NBEA: variants seen among roughly 807,000 people sequenced by gnomAD.
NBEA encodes the protein lysosomal-trafficking regulator 2.
A neutral mutation model predicts 343.4 loss-of-function variants in NBEA; 44 were observed. The ratio of observed to expected loss-of-function variants is 0.13; its 90% confidence interval spans 0.10 to 0.16. The LOEUF is 0.16. Among genes scored for constraint, NBEA ranks in the 10% least tolerant of loss-of-function variants. The pLI is 1.00. For synonymous variants in NBEA, 1,175 were observed against 1,238.7 expected (o/e 0.95, Z 1.08); for missense variants, 2,555 against 3,631.3 (o/e 0.70, Z 7.62).
intron 31 of NBEA, among the ~76,000 whole-genome samples, chr13:35,202,680 A>G (rs759115154): frequency 1.3e-5 from 2 of 152,144 alleles, no homozygotes; most frequent in Non-Finnish European, 2.9e-5. Flanking sequence ...CTGGCATTAA[A>G]TAGCATCTGT....
chr13:35,311,860 C>CA (rs934010164), intron 36 of NBEA, among the ~76,000 whole-genome samples: 273 of 146,090 alleles, frequency 1.9e-3, no homozygotes, highest in African/African-American at 5.0e-3. Context: ...GTCCCCCCAC[C>CA]AAAAAAAAAA....
chr13:35,106,321 A>G (rs562861), intron 11 of NBEA, among the ~76,000 whole-genome samples: 4,738 of 152,060 alleles, frequency 0.031, 159 homozygotes, highest in East Asian at 0.15. Flanking sequence ...AAAACCGTTA[A>G]TCAAAGGAAA....
At chr13:35,535,824 T>G (rs116643687) in intron 41 of NBEA, among the ~76,000 whole-genome samples, 241 of 152,280 alleles carry the variant, frequency 1.6e-3, no homozygotes, top group African/African-American at 5.6e-3. Context: ...AAAAATTACT[T>G]TAGTCTACAA....
At chr13:35,183,839 T>C (rs1229432793) in intron 29 of NBEA, 137 bp from the exon 30 acceptor site, 1 of 568,472 alleles carries the variant, frequency 1.8e-6, no homozygotes, top group Non-Finnish European at 3.1e-6. Context: ...CATAAACTCT[T>C]TTCTTCAGAG....
chr13:35,645,691 G>A (rs1163526294), intron 49 of NBEA, among the ~76,000 whole-genome samples, 178 bp from the exon 50 acceptor site: 3 of 152,018 alleles, frequency 2.0e-5, no homozygotes, highest in Non-Finnish European at 4.4e-5. Flanking sequence ...TCTTAAAATA[G>A]CATAGAAAGC....
chr13:35,004,845 TAGAACA>T (rs1035675876), intron 1 of NBEA, among the ~76,000 whole-genome samples: 5 of 152,182 alleles, frequency 3.3e-5, no homozygotes, highest in African/African-American at 1.2e-4. Context: ...AGGATATTAA[TAGAACA>T]GTGTGAATTT....
intron 1 of NBEA, among the ~76,000 whole-genome samples, chr13:34,977,401 C>T (rs1478299378): frequency 2.6e-5 from 4 of 151,796 alleles, no homozygotes; most frequent in East Asian, 1.9e-4. Flanking sequence ...CCCTGTCTCC[C>T]GGATTCAAGC....
rs2061454549 is a variant in NBEA, at chr13:35,010,679, TG to T, written c.295-30251del. 3.2e-5 allele frequency among the ~76,000 whole-genome samples: 4 copies of T among 125,030 alleles called. No individual in the cohort carries two copies. In the Admixed American group the frequency reaches 3.6e-4, roughly 11 times the overall value. 82.0% of individuals were successfully genotyped at this position (125,030 alleles called of 152,430 possible). ...CAGAAGGATAAGTTGAGTCCGGGAATGGGAATTCAAGACCAGCCTGGACAAC... is the reference window on the plus strand; with the variant it reads ...CAGAAGGATAAGTTGAGTCCGGGAATGGAATTCAAGACCAGCCTGGACAAC... On this transcript the variant is annotated intron_variant, in intron 1 of 58. Transcript: ENST00000379939.
At chr13:35,399,843 T>C (rs990027524) in intron 38 of NBEA, among the ~76,000 whole-genome samples, 2 of 152,030 alleles carry the variant, frequency 1.3e-5, no homozygotes, top group African/African-American at 4.8e-5. Context: ...TTAGAGGCCA[T>C]TGTAGGGTAA....
At position 35,536,871 on chromosome 13, in the gene NBEA, G is replaced by C. The variant is rs567628239; in HGVS notation, c.6586-13606G>C. On this transcript the variant is annotated intron_variant, in intron 41 of 58. Coordinates refer to ENST00000379939, the MANE Select transcript of NBEA (RefSeq NM_001385012.1). ...AGCTCAGAAATATTCAAAGGAATGA[G>C]AGAGCATCTCTTCCATTGGCTCCCT... 5.3e-5 allele frequency among the ~76,000 whole-genome samples: 8 copies of C among 152,338 alleles called. No homozygotes were observed. The South Asian group carries it at 1.7e-3, about 32-fold the overall frequency.
chr13:35,337,414 T>A (rs147211541), intron 36 of NBEA, among the ~76,000 whole-genome samples: 286 of 152,268 alleles, frequency 1.9e-3, no homozygotes, highest in Non-Finnish European at 3.4e-3. Flanking sequence ...ACAAAGACAT[T>A]ATATAATGTT....
intron 28 of NBEA, among the ~76,000 whole-genome samples, chr13:35,181,030 C>T (rs1280854811): frequency 6.6e-6 from 1 of 151,762 alleles, no homozygotes; most frequent in Non-Finnish European, 1.5e-5. Context: ...AGTAGCATGA[C>T]ATAGTGTATA....
At chr13:35,653,206 TTAA>T (rs1171727488) in intron 53 of NBEA, among the ~76,000 whole-genome samples, 1 of 152,186 alleles carries the variant, frequency 6.6e-6, no homozygotes, top group Non-Finnish European at 1.5e-5. Context: ...AAGACAGTTT[TTAA>T]TAATGTTTGT....
chr13:35,651,671 GTATCAGAACAAT>G, intron 52 of NBEA, 122 bp from the exon 53 acceptor site: 1 of 660,952 alleles, frequency 1.5e-6, no homozygotes, highest in Admixed American at 2.5e-5. Context: ...GAGACACATA[GTATCAGAACAAT>G]TTATCAAATC....
At chr13:35,532,326 C>G (rs1339391788) in intron 41 of NBEA, among the ~76,000 whole-genome samples, 2 of 151,972 alleles carry the variant, frequency 1.3e-5, no homozygotes, top group African/African-American at 4.8e-5. Flanking sequence ...CAGCTGAATA[C>G]AGATACATCA....
At chr13:35,384,288 C>A (rs1008018258) in intron 38 of NBEA, among the ~76,000 whole-genome samples, 8 of 152,090 alleles carry the variant, frequency 5.3e-5, no homozygotes, top group Admixed American at 4.6e-4. Context: ...TAAATGGATT[C>A]TCTCTACCTT....
intron 17 of NBEA, among the ~76,000 whole-genome samples, chr13:35,139,670 G>T (rs1247405258): frequency 6.8e-6 from 1 of 146,510 alleles, no homozygotes; most frequent in East Asian, 2.1e-4. Flanking sequence ...TCTTTCATTA[G>T]AAGTCCTATA....
At chr13:35,008,436 T>C (rs2061383282) in intron 1 of NBEA, among the ~76,000 whole-genome samples, 1 of 152,212 alleles carries the variant, frequency 6.6e-6, no homozygotes, top group Non-Finnish European at 1.5e-5. Context: ...ATGTAAATGC[T>C]GTGTAAATAG....
chr13:34,980,646 G>T (rs1448561514), intron 1 of NBEA, among the ~76,000 whole-genome samples: 1 of 151,922 alleles, frequency 6.6e-6, no homozygotes, highest in Admixed American at 6.6e-5. Flanking sequence ...AGTGTTGAAT[G>T]TCGGTGATGA....
Sources: gnomAD v4.1 joint callset for allele counts (sites outside exome capture counted in the v4.1 genomes callset) on GRCh38, gnomAD v4.1.1 for gene constraint, MANE v1.5 for transcripts, NCBI Gene and HGNC (gene_info 2026-07-23, HGNC 2026-07-21) for gene names.